Variants in CSNK1G3 observed in about 807,000 individuals in gnomAD.
CSNK1G3 encodes casein kinase 1 gamma 3, also known as casein kinase I isoform gamma-3.
In CSNK1G3, 23 loss-of-function variants were observed where a neutral mutation model predicts 64.3. The ratio of observed to expected loss-of-function variants is 0.36; its 90% CI spans 0.26 to 0.51. CSNK1G3 has a LOEUF of 0.51. CSNK1G3 is among the 20% of genes least tolerant of loss of function. The pLI is 0.96. For synonymous variants in CSNK1G3, 158 were observed against 162.2 expected (o/e 0.97, Z 0.20); for missense variants, 357 against 510.5 (o/e 0.70, Z 2.90).
At chr5:123,533,580 C>T (rs1045988967) in intron 1 of CSNK1G3, among the ~76,000 whole-genome samples, 6 of 151,084 alleles carry the variant, frequency 4.0e-5, no homozygotes, top group South Asian at 2.1e-4. Context: ...GGATTGTTTC[C>T]GTCTTTTTTT....
intron 12 of CSNK1G3, 79 bp downstream of exon 13, chr5:123,605,441 G>C: frequency 6.8e-7 from 1 of 1,472,096 alleles, no homozygotes; most frequent in Non-Finnish European, 9.4e-7. Context: ...TGTGTCTTTT[G>C]AAAACAAAAC....
intron 6 of CSNK1G3, among the ~76,000 whole-genome samples, chr5:123,582,538 G>A (rs1043499645): frequency 3.9e-5 from 6 of 152,030 alleles, no homozygotes. Flanking sequence ...AATTTTAATG[G>A]ACTATGTACC....
chr5:123,555,254 T>G (rs968252959), intron 3 of CSNK1G3, among the ~76,000 whole-genome samples: 1 of 152,360 alleles, frequency 6.6e-6, no homozygotes, highest in Admixed American at 6.5e-5. Flanking sequence ...TGTAGAGTGG[T>G]ATCTAGTCAC....
intron 5 of CSNK1G3, 31 bp downstream of exon 5, chr5:123,573,572 G>A (rs1788530093): frequency 1.9e-6 from 3 of 1,548,706 alleles, no homozygotes; most frequent in Non-Finnish European, 2.6e-6. Flanking sequence ...GAAGTTGTTT[G>A]AACAATTACA....
chr5:123,603,955 A>G (rs944153175), intron 10 of CSNK1G3, among the ~76,000 whole-genome samples: 3 of 152,150 alleles, frequency 2.0e-5, no homozygotes, highest in South Asian at 2.1e-4. Flanking sequence ...AGAGCTATAC[A>G]TGATGTGATT....
chr5:123,521,843 C>T (rs1241713317), intron 1 of CSNK1G3, among the ~76,000 whole-genome samples: 3 of 151,816 alleles, frequency 2.0e-5, no homozygotes, highest in Non-Finnish European at 4.4e-5. Flanking sequence ...GTTCATATTA[C>T]AGTTTTCTTG....
At chr5:123,574,498 A>G (rs780632569) in intron 5 of CSNK1G3, among the ~76,000 whole-genome samples, 34 of 152,260 alleles carry the variant, frequency 2.2e-4, no homozygotes, top group South Asian at 4.1e-4. Flanking sequence ...AGAGGAAAAT[A>G]TGCAGCTGTT....
At chr5:123,547,743 A>G (rs1015420911) in intron 2 of CSNK1G3, among the ~76,000 whole-genome samples, 8 of 152,016 alleles carry the variant, frequency 5.3e-5, no homozygotes, top group African/African-American at 1.9e-4. Flanking sequence ...TATTATCTCT[A>G]TATATCTGTG....
chr5:123,555,325 A>G (rs1310008643), intron 3 of CSNK1G3, among the ~76,000 whole-genome samples: 1 of 152,202 alleles, frequency 6.6e-6, no homozygotes, highest in Admixed American at 6.5e-5. Flanking sequence ...TACATTGTTG[A>G]ATGATAGTTC....
intron 4 of CSNK1G3, among the ~76,000 whole-genome samples, chr5:123,566,390 A>C (rs564061760): frequency 6.6e-6 from 1 of 152,360 alleles, no homozygotes; most frequent in Non-Finnish European, 1.5e-5. Flanking sequence ...CACAGTGGAT[A>C]GCTTTTTATA....
intron 1 of CSNK1G3, among the ~76,000 whole-genome samples, chr5:123,542,849 A>AGTGTGTGT (rs66645709): frequency 0.032 from 4,248 of 134,828 alleles, 197 homozygotes; most frequent in African/African-American, 0.1. Flanking sequence ...GCCTAGATTT[A>AGTGTGTGT]GTGTGTGTGT....
chr5:123,583,673 A>G (rs935573794), intron 6 of CSNK1G3, among the ~76,000 whole-genome samples: 1 of 150,854 alleles, frequency 6.6e-6, no homozygotes, highest in Admixed American at 6.6e-5. Flanking sequence ...CCAGAAATCC[A>G]GTTGATTTTT....
chr5:123,571,085 G>T (rs1438402121), intron 4 of CSNK1G3, among the ~76,000 whole-genome samples: 3 of 152,110 alleles, frequency 2.0e-5, no homozygotes, highest in Non-Finnish European at 4.4e-5. Flanking sequence ...GAGTGGCTGT[G>T]GTAGGAGTGT....
intron 8 of CSNK1G3, among the ~76,000 whole-genome samples, chr5:123,589,316 T>G (rs977005754): frequency 3.3e-5 from 5 of 152,170 alleles, no homozygotes; most frequent in African/African-American, 1.2e-4. Context: ...TAATTATATA[T>G]TTTCCTTTCT....
intron 4 of CSNK1G3, among the ~76,000 whole-genome samples, chr5:123,569,207 A>G (rs951578520): frequency 1.3e-5 from 2 of 152,188 alleles, no homozygotes; most frequent in African/African-American, 4.8e-5. Context: ...GGATAGAGTA[A>G]TTTTCCTTCA....
At chr5:123,562,761 T>G (rs1429064370) in intron 4 of CSNK1G3, among the ~76,000 whole-genome samples, 1 of 152,010 alleles carries the variant, frequency 6.6e-6, no homozygotes, top group African/African-American at 2.4e-5. Flanking sequence ...TGAGAATTTT[T>G]TAATTAATGG....
intron 3 of CSNK1G3, among the ~76,000 whole-genome samples, chr5:123,555,518 C>A (rs866978156): frequency 1.3e-5 from 2 of 152,134 alleles, no homozygotes; most frequent in Non-Finnish European, 2.9e-5. Context: ...AACCTGAGTT[C>A]AGAGAGCAGA....
intron 4 of CSNK1G3, among the ~76,000 whole-genome samples, chr5:123,559,702 GTT>G (rs11357811): frequency 1.2e-3 from 161 of 132,398 alleles, no homozygotes; most frequent in African/African-American, 2.9e-3. Flanking sequence ...ATTTTTTGTG[GTT>G]TTTTTTTTTT....
intron 8 of CSNK1G3, among the ~76,000 whole-genome samples, chr5:123,589,313 A>G (rs942932716): frequency 1.3e-5 from 2 of 152,142 alleles, no homozygotes; most frequent in African/African-American, 2.4e-5. Context: ...CTTTAATTAT[A>G]TATTTTCCTT....
Sources: gnomAD v4.1 joint callset for allele counts (sites outside exome capture counted in the v4.1 genomes callset) on GRCh38, gnomAD v4.1.1 for gene constraint, MANE v1.5 for transcripts, NCBI Gene and HGNC (gene_info 2026-07-23, HGNC 2026-07-21) for gene names.